Variants in OXR1 observed in about 807,000 individuals in gnomAD.
OXR1 encodes oxidation resistance 1, also known as oxidation resistance protein 1.
Under a neutral mutation model 104.6 loss-of-function variants are expected in OXR1, and 41 were observed. The observed-to-expected ratio is 0.39, with a 90% CI of 0.31 to 0.51. The LOEUF (loss-of-function observed/expected upper bound fraction) is 0.51. OXR1 is among the 20% of genes least tolerant of loss of function. The pLI, the probability that OXR1 is intolerant of heterozygous loss-of-function variation, is 0.77. For synonymous variants in OXR1, 348 were observed against 348.4 expected (o/e 1.00, Z 0.01); for missense variants, 955 against 1,031.9 (o/e 0.93, Z 1.02).
At chr8:106,428,236 C>T (rs1047892818) in intron 2 of OXR1, among the ~76,000 whole-genome samples, 7 of 152,122 alleles carry the variant, frequency 4.6e-5, no homozygotes, top group East Asian at 3.9e-4. Context: ...CCCTGCCTGA[C>T]ATTTGACTTT....
At chr8:106,446,405 G>C (rs766657142) in intron 2 of OXR1, among the ~76,000 whole-genome samples, 15 of 152,058 alleles carry the variant, frequency 9.9e-5, no homozygotes, top group South Asian at 2.1e-4. Flanking sequence ...AGATCACAAG[G>C]TCAGGAGTCC....
At chr8:106,410,073 A>G (rs1187264337) in intron 2 of OXR1, among the ~76,000 whole-genome samples, 1 of 152,118 alleles carries the variant, frequency 6.6e-6, no homozygotes, top group Non-Finnish European at 1.5e-5. Flanking sequence ...CTGACAATGG[A>G]TAGATAATTT....
intron 2 of OXR1, among the ~76,000 whole-genome samples, chr8:106,504,522 G>C (rs898657623): frequency 1.3e-5 from 2 of 152,156 alleles, no homozygotes; most frequent in African/African-American, 4.8e-5. Context: ...GTGGCTGATA[G>C]CAAATGGATT....
At position 106,666,512 on chromosome 8, in the gene OXR1, T is replaced by A. The variant is rs561654542; in HGVS notation, c.221-12698T>A. ...CAGACTTTATTCAGGACCATTGCAA[T>A]AGGGATAGGGACTGTGGCAATGAGA... is the stretch of plus-strand genomic sequence containing the variant. On this transcript the variant is annotated intron_variant, in intron 3 of 16. Transcript: ENST00000517566. Among the ~76,000 whole-genome samples the A allele has an allele frequency of 2.0e-5, 3 of 152,262 alleles. No individual in the cohort carries two copies. The South Asian group carries it at 6.2e-4, about 32-fold the overall frequency.
At chr8:106,534,906 A>G (rs1814368076) in intron 3 of OXR1, among the ~76,000 whole-genome samples, 1 of 152,226 alleles carries the variant, frequency 6.6e-6, no homozygotes, top group Non-Finnish European at 1.5e-5. Flanking sequence ...TACATTATTG[A>G]TAAGTTTTTA....
In OXR1 at chr8:106,616,952, G is replaced by GTA. The variant is rs551970881; in HGVS notation, c.221-62252_221-62251dup. 7.9e-5 allele frequency among the ~76,000 whole-genome samples: 12 copies of GTA among 152,266 alleles called. No homozygotes were observed. In the East Asian group the frequency reaches 1.4e-3, roughly 17 times the overall value. On this transcript the variant is annotated intron_variant, in intron 3 of 16. Transcript: ENST00000517566. Reference sequence around the variant, plus strand: ...CAAATAAAATATGATGTTACAGTATGTATATATCTCAGTGAGTTGCTGTTG... The same window carrying GTA: ...CAAATAAAATATGATGTTACAGTATGTATATATATCTCAGTGAGTTGCTGTTG...
rs115670733 is a variant in OXR1 at position 106,616,649 on chromosome 8, G to A, written c.221-62561G>A. On this transcript the variant is annotated intron_variant, in intron 3 of 16. Transcript: ENST00000517566. ...TATGGAGTTGTCAGAACTTGGCCAA[G>A]ACCATAAGCTCTATATTACATGCAA... Among the ~76,000 whole-genome samples, 529 of 152,216 alleles carry A rather than the reference G, an allele frequency of 3.5e-3. 3 individuals carry two copies. The highest frequency in any genetic ancestry group is 0.012 in the African/African-American group (507 of 41,526).
Position 106,339,555 on chromosome 8 carries a change from T to TATATAA in OXR1, c.-138-19920_-138-19919insTATAAA, listed in dbSNP as rs1323687556. On this transcript the variant is annotated intron_variant, in intron 1 of 16. Coordinates refer to ENST00000517566, the MANE Select transcript of OXR1 (RefSeq NM_001198533.2). Reference sequence around the variant, plus strand: ...ATATATATATATATATATATATATATAAAACGAAATCACAGATAAAATAGA... The same window carrying TATATAA: ...ATATATATATATATATATATATATATATATAAAAAACGAAATCACAGATAAAATAGA... 2.2e-4 allele frequency among the ~76,000 whole-genome samples: 17 copies of TATATAA among 76,980 alleles called. 1 individual carries two copies. The highest frequency in any genetic ancestry group is 3.6e-4 in the African/African-American group (6 of 16,746). The allele number at this position is 76,980 out of a possible 152,430, so 50.5% of individuals were successfully genotyped here.
At chr8:106,688,592 C>T (rs1462508569) in intron 6 of OXR1, among the ~76,000 whole-genome samples, 1 of 152,008 alleles carries the variant, frequency 6.6e-6, no homozygotes, top group Non-Finnish European at 1.5e-5. Flanking sequence ...TTAAAGAGTG[C>T]TTACTATGTA....
At chr8:106,343,683 A>G (rs759173055) in intron 1 of OXR1, among the ~76,000 whole-genome samples, 3 of 152,226 alleles carry the variant, frequency 2.0e-5, no homozygotes, top group Non-Finnish European at 2.9e-5. Flanking sequence ...AGCCACATGA[A>G]AGTTAAGGAA....
At chr8:106,421,465 G>T (rs1336012406) in intron 2 of OXR1, among the ~76,000 whole-genome samples, 1 of 152,120 alleles carries the variant, frequency 6.6e-6, no homozygotes, top group Non-Finnish European at 1.5e-5. Context: ...TAAGCCTGTG[G>T]TTAGCTGCAG....
intron 3 of OXR1, among the ~76,000 whole-genome samples, chr8:106,612,560 C>T (rs924295505): frequency 6.6e-6 from 1 of 152,034 alleles, no homozygotes; most frequent in African/African-American, 2.4e-5. Flanking sequence ...TTCTGCATCT[C>T]TTATGACAAT....
chr8:106,518,515 A>G (rs1342239151), intron 2 of OXR1, among the ~76,000 whole-genome samples: 1 of 152,206 alleles, frequency 6.6e-6, no homozygotes, highest in Admixed American at 6.5e-5. Context: ...TGTATAGATT[A>G]AGCAGAAAAA....
At chr8:106,440,496 A>T (rs953782771) in intron 2 of OXR1, among the ~76,000 whole-genome samples, 4 of 152,144 alleles carry the variant, frequency 2.6e-5, no homozygotes, top group Non-Finnish European at 4.4e-5. Flanking sequence ...TAAAGAAAAG[A>T]TACTTCCATT....
intron 1 of OXR1, among the ~76,000 whole-genome samples, chr8:106,335,971 C>T (rs570788065): frequency 1.3e-5 from 2 of 152,006 alleles, no homozygotes; most frequent in Non-Finnish European, 2.9e-5. Context: ...TGGTGGTTGC[C>T]CATAAGCCCA....
At chr8:106,422,832 A>T (rs1352269136) in intron 2 of OXR1, among the ~76,000 whole-genome samples, 1 of 152,172 alleles carries the variant, frequency 6.6e-6, no homozygotes, top group East Asian at 1.9e-4. Flanking sequence ...ATGAAAGCCA[A>T]TGCTCTTCAC....
intron 1 of OXR1, among the ~76,000 whole-genome samples, chr8:106,295,788 T>C (rs1031456031): frequency 1.3e-5 from 2 of 152,158 alleles, no homozygotes; most frequent in African/African-American, 2.4e-5. Context: ...CTAGGCACTG[T>C]AGGGGAATAG....
intron 2 of OXR1, among the ~76,000 whole-genome samples, chr8:106,464,561 C>T (rs1263176592): frequency 2.0e-5 from 3 of 151,848 alleles, no homozygotes; most frequent in East Asian, 1.9e-4. Flanking sequence ...GAGCTTTCGA[C>T]GTGACAAATG....
chr8:106,745,913 G>T, intron 16 of OXR1, 51 bp downstream of exon 16: 1 of 934,874 alleles, frequency 1.1e-6, no homozygotes, highest in Non-Finnish European at 1.7e-6. Context: ...CTTTAAAAAT[G>T]CATTTGGATT....
Sources: allele counts gnomAD v4.1 joint callset (sites outside exome capture counted in the v4.1 genomes callset), GRCh38; gene constraint gnomAD v4.1.1; transcripts MANE v1.5; gene names NCBI Gene and HGNC (gene_info 2026-07-23, HGNC 2026-07-21).